Variants in DISC1 observed in about 807,000 individuals in gnomAD.
The protein encoded by DISC1 is DISC1 scaffold protein.
DISC1 carries 57 observed loss-of-function variants against 84.5 expected under a neutral mutation model. The ratio of observed to expected loss-of-function variants is 0.67; its 90% CI spans 0.55 to 0.84. DISC1 has a LOEUF of 0.84. DISC1 is among the 40% of genes least tolerant of loss of function. The pLI is 0.00. For synonymous variants in DISC1, 411 were observed against 415.2 expected (o/e 0.99, Z 0.12); for missense variants, 1,000 against 1,057.8 (o/e 0.95, Z 0.76).
At chr1:231,693,716 C>T in intron 1 of DISC1, 110 bp from the exon 2 acceptor site, 2 of 1,531,162 alleles carry the variant, frequency 1.3e-6, no homozygotes, top group South Asian at 2.3e-5. Flanking sequence ...CTATCTTTGA[C>T]AGGTGTACTG....
chr1:231,642,337 C>A (rs1478899792), intron 1 of DISC1, among the ~76,000 whole-genome samples: 2 of 152,236 alleles, frequency 1.3e-5, no homozygotes, highest in Non-Finnish European at 2.9e-5. Context: ...CCTTGGCCAA[C>A]CCAGAAAGGG....
chr1:231,844,378 A>G (rs2083296236), intron 9 of DISC1, among the ~76,000 whole-genome samples: 1 of 152,186 alleles, frequency 6.6e-6, no homozygotes, highest in Non-Finnish European at 1.5e-5. Context: ...AGGACAAGGT[A>G]TGGGGGTGGC....
At chr1:231,767,968 G>C (rs1160401459) in intron 5 of DISC1, among the ~76,000 whole-genome samples, 1 of 152,212 alleles carries the variant, frequency 6.6e-6, no homozygotes, top group East Asian at 1.9e-4. Flanking sequence ...AGACAGAGTT[G>C]TAAGTCCGGA....
chr1:231,859,020 A>G (rs540255928), intron 9 of DISC1, among the ~76,000 whole-genome samples: 9 of 152,308 alleles, frequency 5.9e-5, no homozygotes, highest in Non-Finnish European at 1.0e-4. Context: ...GGCTCTGGGG[A>G]ATGGTGTCTG....
rs188403771 is a variant in DISC1, at chr1:231,761,579, T to A, written c.1269-5561T>A. ...TGGATTAAGTAATGAATGTGATTAATGATAATATAGAGAATTCCCAGTTAC... is the reference window on the plus strand; with the variant it reads ...TGGATTAAGTAATGAATGTGATTAAAGATAATATAGAGAATTCCCAGTTAC... On this transcript the variant is annotated intron_variant, in intron 4 of 12. Coordinates refer to ENST00000439617, the MANE Select transcript of DISC1 (RefSeq NM_018662.3). Among the ~76,000 whole-genome samples the A allele has an allele frequency of 5.3e-4, 81 of 152,324 alleles. 1 individual carries two copies. The highest frequency in any genetic ancestry group is 3.4e-3 in the Middle Eastern group (1 of 294).
At chr1:231,659,773 T>C (rs1040834550) in intron 1 of DISC1, among the ~76,000 whole-genome samples, 2 of 152,194 alleles carry the variant, frequency 1.3e-5, no homozygotes, top group African/African-American at 4.8e-5. Context: ...AGTTTCCATG[T>C]AGTTGTGTGG....
At chr1:232,022,474 A>G (rs1489158033) in intron 11 of DISC1, among the ~76,000 whole-genome samples, 6 of 151,946 alleles carry the variant, frequency 3.9e-5, no homozygotes, top group African/African-American at 7.3e-5. Flanking sequence ...CACCCAGCTA[A>G]TTTTTGTATT....
At chr1:231,660,585 C>T (rs1400702231) in intron 1 of DISC1, among the ~76,000 whole-genome samples, 1 of 152,132 alleles carries the variant, frequency 6.6e-6, no homozygotes, top group Non-Finnish European at 1.5e-5. Flanking sequence ...AAGCGATTCT[C>T]CTGCCTCAGC....
At chr1:231,660,057 T>C (rs1195434676) in intron 1 of DISC1, among the ~76,000 whole-genome samples, 2 of 152,166 alleles carry the variant, frequency 1.3e-5, no homozygotes, top group South Asian at 4.1e-4. Context: ...TTGTCTAATA[T>C]TGTCAGTGGG....
At chr1:231,634,720 C>T (rs780589524) in intron 1 of DISC1, among the ~76,000 whole-genome samples, 2 of 152,136 alleles carry the variant, frequency 1.3e-5, no homozygotes, top group African/African-American at 2.4e-5. Context: ...CTACTGTATA[C>T]ACAGTACAGT....
At chr1:231,681,547 C>A (rs1428387570) in intron 1 of DISC1, among the ~76,000 whole-genome samples, 1 of 152,018 alleles carries the variant, frequency 6.6e-6, no homozygotes, top group Non-Finnish European at 1.5e-5. Context: ...GGTCCAGGTG[C>A]CTTTGCCTCA....
chr1:231,886,765 T>TA (rs1446793751), intron 9 of DISC1, among the ~76,000 whole-genome samples: 86 of 95,260 alleles, frequency 9.0e-4, no homozygotes, highest in African/African-American at 3.3e-3. Flanking sequence ...CTTCCTTCCT[T>TA]CCTTTCTTTC....
intron 7 of DISC1, among the ~76,000 whole-genome samples, chr1:231,798,113 C>CCACA (rs113265676): frequency 0.097 from 14,255 of 147,078 alleles, 731 homozygotes; most frequent in East Asian, 0.22. Flanking sequence ...GTTAGACACA[C>CCACA]CACACACACA....
intron 9 of DISC1, among the ~76,000 whole-genome samples, chr1:231,861,456 T>G (rs1427548842): frequency 1.2e-5 from 1 of 80,248 alleles, no homozygotes; most frequent in Non-Finnish European, 2.4e-5. Context: ...TGACAAGTTT[T>G]TTTTTTTTTT....
At position 231,912,936 on chromosome 1, in the gene DISC1, A is replaced by T. The variant is rs114646239; in HGVS notation, c.1982-45892A>T. Among the ~76,000 whole-genome samples, 493 of 133,392 alleles carry T rather than the reference A, an allele frequency of 3.7e-3. 1 individual carries two copies. Among genetic ancestry groups the T allele is most frequent in the African/African-American group, 0.013 (453 of 34,640 alleles). The allele number at this position is 133,392 out of a possible 152,430, so 87.5% of individuals were successfully genotyped here. ...TTCTTTCTGTTCTTCTTTTGATAGG[A>T]TCTTGCTGTCACCCAAGCTTGAGTG... On this transcript the variant is annotated intron_variant, in intron 9 of 12. Transcript: ENST00000439617.
intron 10 of DISC1, among the ~76,000 whole-genome samples, chr1:231,996,462 T>G (rs972448885): frequency 3.9e-5 from 6 of 152,234 alleles, no homozygotes; most frequent in Admixed American, 3.3e-4. Context: ...TTCTAGGGTT[T>G]TTTTGGTTTT....
intron 3 of DISC1, among the ~76,000 whole-genome samples, chr1:231,725,835 G>T (rs1295651330): frequency 6.6e-6 from 1 of 152,070 alleles, no homozygotes; most frequent in Non-Finnish European, 1.5e-5. Flanking sequence ...CCAAGAGGGT[G>T]ACACTGGCTG....
At chr1:231,722,108 G>A (rs1040816906) in intron 3 of DISC1, among the ~76,000 whole-genome samples, 2 of 144,140 alleles carry the variant, frequency 1.4e-5, no homozygotes, top group Admixed American at 7.1e-5. Flanking sequence ...AGCCAAGATC[G>A]CGCCACTGCA....
At chr1:231,634,439 GA>G (rs571562457) in intron 1 of DISC1, among the ~76,000 whole-genome samples, 83 of 152,228 alleles carry the variant, frequency 5.5e-4, no homozygotes, top group African/African-American at 1.7e-3. Flanking sequence ...ATCTTCTGAA[GA>G]AAAAAAGTTT....
Sources: gnomAD v4.1 joint callset for allele counts (sites outside exome capture counted in the v4.1 genomes callset) on GRCh38, gnomAD v4.1.1 for gene constraint, MANE v1.5 for transcripts, NCBI Gene and HGNC (gene_info 2026-07-23, HGNC 2026-07-21) for gene names.